RTN4RL2: variants seen among roughly 807,000 people sequenced by gnomAD.
The protein encoded by RTN4RL2 is reticulon-4 receptor-like 2.
Under a neutral mutation model 27.8 loss-of-function variants are expected in RTN4RL2, and 9 were observed. The observed-to-expected ratio is 0.32, with a 90% confidence interval of 0.20 to 0.57. The LOEUF is 0.57. Among genes scored for constraint, RTN4RL2 ranks in the 20% least tolerant of loss-of-function variants. The pLI, the probability that RTN4RL2 is intolerant of heterozygous loss-of-function variation, is 0.90. For missense variants in RTN4RL2, 436 were observed against 596.8 expected (o/e 0.73, Z 2.81); for synonymous variants, 285 against 297.9 (o/e 0.96, Z 0.45).
At position 57,476,308 on chromosome 11, in the gene RTN4RL2, C is replaced by T; in HGVS notation, c.660C>T (p.Arg220=). The part of the protein sequence containing the change: ...LHGNRLQGVH[R]AAFRGLSRLT... ...GGAACCGGCTGCAGGGCGTGCACCGCGCGGCCTTCCGCGGCCTCAGCCGCC... is the reference window on the plus strand; with the variant it reads ...GGAACCGGCTGCAGGGCGTGCACCGTGCGGCCTTCCGCGGCCTCAGCCGCC... The change falls in exon 3 of 3, where the codon CGC becomes CGT. Residue 220 remains arginine (R), a synonymous_variant. Transcript: ENST00000335099. This position sits in a 1 kb window ranked among gnomAD's most constrained non-coding sequence, Gnocchi z 8.2. 2.5e-6 allele frequency: 4 copies of T among 1,611,138 alleles called. No individual in the cohort carries two copies. Among genetic ancestry groups the T allele is most frequent in the Non-Finnish European group, 2.5e-6 (3 of 1,178,920 alleles).
chr11:57,470,777 G>A (rs979439556), intron 2 of RTN4RL2, among the ~76,000 whole-genome samples: 6 of 152,028 alleles, frequency 3.9e-5, no homozygotes, highest in Non-Finnish European at 8.8e-5. Flanking sequence ...GAGTCAGAGG[G>A]CCTGAGCTTG....
intron 2 of RTN4RL2, among the ~76,000 whole-genome samples, chr11:57,469,105 A>G (rs1045369862): frequency 6.6e-6 from 1 of 152,204 alleles, no homozygotes; most frequent in African/African-American, 2.4e-5. Flanking sequence ...CTAGTTATCA[A>G]TCTGCTAGTT....
chr11:57,466,938 G>T (rs1315649791), intron 1 of RTN4RL2, among the ~76,000 whole-genome samples: 3 of 152,184 alleles, frequency 2.0e-5, no homozygotes, highest in Admixed American at 2.0e-4. Context: ...GGAACTATCC[G>T]GCCCAACTGT....
At position 57,460,853 on chromosome 11, in the gene RTN4RL2, G is replaced by A. The variant is rs1459909723; in HGVS notation, c.-13G>A. The A allele has an allele frequency of 2.8e-6, 4 of 1,405,226 alleles. No homozygotes were observed. Among genetic ancestry groups the A allele is most frequent in the East Asian group, 6.1e-5 (2 of 32,534 alleles). 87.0% of individuals were successfully genotyped at this position (1,405,226 alleles called of 1,614,324 possible). A position where few individuals can be genotyped will look rare whatever the true frequency, so the allele number is the denominator to read the frequency against. ...CTCCCCCCGCTGCCCCCTCCCCCGA[G>A]CATCGAGACAAGATGCTGCCCGGGC... On this transcript the variant is annotated 5_prime_UTR_variant, in exon 1 of 3. Coordinates refer to ENST00000335099, the MANE Select transcript of RTN4RL2 (RefSeq NM_178570.3).
chr11:57,465,202 G>A (rs1444791035), intron 1 of RTN4RL2, among the ~76,000 whole-genome samples: 18 of 152,298 alleles, frequency 1.2e-4, no homozygotes, highest in African/African-American at 4.8e-5. Flanking sequence ...CGCCACACTC[G>A]GGGCCTGTCA....
At chr11:57,469,443 G>A (rs576050771) in intron 2 of RTN4RL2, among the ~76,000 whole-genome samples, 335 of 151,968 alleles carry the variant, frequency 2.2e-3, no homozygotes, top group African/African-American at 6.7e-3. Context: ...ATTTACAAGC[G>A]TGTGACATTT....
intron 2 of RTN4RL2, chr11:57,468,932 T>C: frequency 2.7e-6 from 2 of 750,236 alleles, no homozygotes; most frequent in Non-Finnish European, 4.7e-6. Flanking sequence ...CCCACTCCAT[T>C]TCCCCAGGAA....
rs556137497 is a variant in RTN4RL2 at position 57,475,580 on chromosome 11, G to T, written c.514-582G>T. 1.2e-3 allele frequency among the ~76,000 whole-genome samples: 182 copies of T among 152,014 alleles called. 1 individual carries two copies. The highest frequency in any genetic ancestry group is 5.4e-4 in the Non-Finnish European group (37 of 67,974). On this transcript the variant is annotated intron_variant, in intron 2 of 2. Transcript: ENST00000335099. ...AAAAAAGAATAATGGCTAACTCATGGAACTCATAGAACTCCACAAGGAAAG... is the reference window on the plus strand; with the variant it reads ...AAAAAAGAATAATGGCTAACTCATGTAACTCATAGAACTCCACAAGGAAAG...
In RTN4RL2 at chr11:57,467,104, A is replaced by G. The variant is rs552579155; in HGVS notation, c.32-505A>G. On this transcript the variant is annotated intron_variant, in intron 1 of 2. Transcript: ENST00000335099. The surrounding 1 kb of genome is among the most constrained non-coding windows in gnomAD (Gnocchi z 5.5). ...TGGCCTTTTGGCATTATTTTTTAAT[A>G]TATGAGAAGCCTCAGAAAGTGGAAG... 3.9e-5 allele frequency among the ~76,000 whole-genome samples: 6 copies of G among 152,386 alleles called. No homozygotes were observed. In the South Asian group the frequency reaches 1.0e-3, roughly 26 times the overall value.
At chr11:57,465,099 C>G (rs758858798) in intron 1 of RTN4RL2, among the ~76,000 whole-genome samples, 1 of 152,180 alleles carries the variant, frequency 6.6e-6, no homozygotes, top group East Asian at 1.9e-4. Context: ...GGCCCAAAAG[C>G]GAGGAGCAGC....
At chr11:57,464,086 G>T (rs2511986) in intron 1 of RTN4RL2, among the ~76,000 whole-genome samples, 3 of 152,124 alleles carry the variant, frequency 2.0e-5, no homozygotes, top group African/African-American at 4.8e-5. Flanking sequence ...CCCCCAGCAC[G>T]GGGTCGCTCT....
chr11:57,462,198 A>G (rs967909561), intron 1 of RTN4RL2, among the ~76,000 whole-genome samples: 2 of 152,130 alleles, frequency 1.3e-5, no homozygotes, highest in African/African-American at 2.4e-5. Context: ...TGCCGCCACC[A>G]CGGTGGCTGC....
Position 57,467,643 on chromosome 11 carries a change from G to A in RTN4RL2, c.66G>A (p.Leu22=), listed in dbSNP as rs1239331340. The change falls in exon 2 of 3, where the codon CTG becomes CTA. Residue 22 remains leucine (L), a synonymous_variant. Coordinates refer to ENST00000335099, the MANE Select transcript of RTN4RL2 (RefSeq NM_178570.3). This position sits in a 1 kb window ranked among gnomAD's most constrained non-coding sequence, Gnocchi z 5.5. The part of the protein sequence containing the change: ...PASACLLLML[L]ALPLAAPSCP... ...CGGCCTGCCTCCTGCTGATGCTCCT[G>A]GCCCTGCCCCTGGCGGCCCCCAGCT... The A allele has an allele frequency of 3.1e-6, 5 of 1,610,036 alleles. No homozygotes were observed. The African/African-American group carries it at 4.0e-5, about 13-fold the overall frequency.
chr11:57,465,894 G>A (rs1040236481), intron 1 of RTN4RL2, among the ~76,000 whole-genome samples: 2 of 150,304 alleles, frequency 1.3e-5, no homozygotes, highest in African/African-American at 4.9e-5. Flanking sequence ...GCTTATGCCT[G>A]AAATCCCAAC....
At chr11:57,471,450 T>C (rs1267971773) in intron 2 of RTN4RL2, among the ~76,000 whole-genome samples, 1 of 152,162 alleles carries the variant, frequency 6.6e-6, no homozygotes, top group Non-Finnish European at 1.5e-5. Context: ...CCAGGCATCA[T>C]GGGAAGGAAG....
At chr11:57,468,582 T>C (rs1197517548) in intron 2 of RTN4RL2, 1 of 1,536,714 alleles carries the variant, frequency 6.5e-7, no homozygotes, top group East Asian at 2.4e-5. Context: ...CCAAAGGCCT[T>C]TGCAGCTGTT....
chr11:57,462,411 T>C (rs1434023110), intron 1 of RTN4RL2, among the ~76,000 whole-genome samples: 1 of 152,096 alleles, frequency 6.6e-6, no homozygotes, highest in Non-Finnish European at 1.5e-5. Flanking sequence ...AAGCAGCCCG[T>C]TGGGTGTGGA....
intron 1 of RTN4RL2, among the ~76,000 whole-genome samples, chr11:57,464,988 C>T (rs1943510846): frequency 1.3e-5 from 2 of 152,214 alleles, no homozygotes; most frequent in Admixed American, 1.3e-4. Context: ...CCAGCCTACA[C>T]ACGCACGGGG....
intron 2 of RTN4RL2, among the ~76,000 whole-genome samples, chr11:57,470,702 G>C (rs551213390): frequency 6.6e-6 from 1 of 152,206 alleles, no homozygotes; most frequent in East Asian, 1.9e-4. Flanking sequence ...ACTACAAATT[G>C]ATCATGCATT....
Sources: gnomAD v4.1 joint callset for allele counts (sites outside exome capture counted in the v4.1 genomes callset) on GRCh38, gnomAD v4.1.1 for gene constraint, Gnocchi (gnomAD v3.1) non-coding constraint, MANE v1.5 for transcripts, NCBI Gene and HGNC (gene_info 2026-07-23, HGNC 2026-07-21) for gene names.